The following ZNF469 variants were observed in gnomAD, a reference collection of about 807,000 sequenced individuals.
ZNF469 encodes zinc finger protein 469.
Under a neutral mutation model 1.0 loss-of-function variants are expected in ZNF469, and 1 was observed. The observed-to-expected ratio is 1.00, with a 90% confidence interval of 0.35 to 4.73. The LOEUF is 4.73. ZNF469 is among the 30% of genes most tolerant of loss of function. ZNF469 has a pLI of 0.16. For synonymous variants in ZNF469, 2,703 were observed against 2,363.4 expected (o/e 1.14, Z -4.17); for missense variants, 6,100 against 5,356.3 (o/e 1.14, Z -4.33).
chr16:88,333,878 GTT>G, the ZNF469 span, among the ~76,000 whole-genome samples: 2,083 of 151,120 alleles, frequency 0.014, 27 homozygotes, highest in Middle Eastern at 0.048. Flanking sequence ...GTGTGTGTGT[GTT>G]TGTGTGTCTG....
In ZNF469 at chr16:88,429,429, C is replaced by T; in HGVS notation, c.1959C>T (p.Pro653=). 1 of 1,542,514 alleles carries T rather than the reference C, an allele frequency of 6.5e-7. No individual in the cohort carries two copies. Among genetic ancestry groups the T allele is most frequent in the South Asian group, 1.2e-5 (1 of 83,912 alleles). Residue 653 remains proline, a synonymous_variant, in exon 3 of 3, where the codon CCC becomes CCT. Transcript: ENST00000565624. ...GCAGCCCCTTCCCGTCCCCGGAGCC[C>T]CCCCACTCCCTCCCCACCCACTACC... is the stretch of plus-strand genomic sequence containing the variant. ...ETGSPFPSPE[P]PHSLPTHYQP... is the part of the protein sequence containing the mutation.
rs1183943593 is a variant in ZNF469 at position 88,437,398 on chromosome 16, A to G, written c.9928A>G (p.Ser3310Gly). The change falls in exon 3 of 3, where the codon AGC becomes GGC. Residue 3310 changes from serine to glycine, a missense_variant. Coordinates refer to ENST00000565624, the MANE Select transcript of ZNF469 (RefSeq NM_001367624.2). ...GSPGPPRTTP[S>G]PSPDPWAGGE... The stretch of plus-strand genomic sequence containing the variant: ...CCCGGGCCCCCCCAGGACGACCCCC[A>G]GCCCGTCCCCCGACCCCTGGGCCGG... 1 of 1,528,988 alleles carries G rather than the reference A, an allele frequency of 6.5e-7. No individual in the cohort carries two copies. The highest frequency in any genetic ancestry group is 8.8e-7 in the Non-Finnish European group (1 of 1,136,710). 94.7% of individuals were successfully genotyped at this position (1,528,988 alleles called of 1,614,324 possible).
chr16:88,371,220 C>A, the ZNF469 span, among the ~76,000 whole-genome samples: 1 of 152,254 alleles, frequency 6.6e-6, no homozygotes, highest in South Asian at 2.1e-4. Context: ...TCTGAGAAAC[C>A]AGCCTGATCT....
At chr16:88,213,290 A>G in the ZNF469 span, among the ~76,000 whole-genome samples, 1 of 152,144 alleles carries the variant, frequency 6.6e-6, no homozygotes, top group South Asian at 2.1e-4. Flanking sequence ...TAGTAGAGAC[A>G]GAGTTTCACT....
intron 1 of ZNF469, among the ~76,000 whole-genome samples, chr16:88,400,405 C>T (rs1904820629): frequency 6.6e-6 from 1 of 152,228 alleles, no homozygotes; most frequent in African/African-American, 2.4e-5. Flanking sequence ...TGAGGCCCTG[C>T]CGGCTCACAC....
chr16:88,143,521 C>A, the ZNF469 span, among the ~76,000 whole-genome samples: 1 of 152,160 alleles, frequency 6.6e-6, no homozygotes, highest in African/African-American at 2.4e-5. Flanking sequence ...ATCACCCCCA[C>A]CTTCGGGCCT....
the ZNF469 span, among the ~76,000 whole-genome samples, chr16:88,217,189 A>C: frequency 1.3e-5 from 2 of 152,066 alleles, no homozygotes; most frequent in Admixed American, 6.5e-5. Context: ...TGGAGGCTCC[A>C]GCTGATGCTA....
chr16:88,285,733 C>G, the ZNF469 span, among the ~76,000 whole-genome samples: 1 of 152,248 alleles, frequency 6.6e-6, no homozygotes, highest in Non-Finnish European at 1.5e-5. Flanking sequence ...CCTGGGCCCT[C>G]TCTGAGTGGT....
chr16:88,232,302 A>C, the ZNF469 span, among the ~76,000 whole-genome samples: 2 of 152,314 alleles, frequency 1.3e-5, no homozygotes, highest in South Asian at 4.1e-4. Flanking sequence ...CTGGATGTTT[A>C]GAACACAGAT....
At chr16:88,111,194 G>T in the ZNF469 span, among the ~76,000 whole-genome samples, 6 of 152,212 alleles carry the variant, frequency 3.9e-5, no homozygotes, top group African/African-American at 9.6e-5. Flanking sequence ...CGTGAGGAAG[G>T]CCTTTTGAAC....
the ZNF469 span, among the ~76,000 whole-genome samples, chr16:88,132,105 T>C: frequency 2.5e-4 from 38 of 152,342 alleles, no homozygotes; most frequent in Middle Eastern, 3.4e-3. Context: ...CTCCTCTCCA[T>C]GTGTGGACAT....
chr16:88,159,847 G>C, the ZNF469 span, among the ~76,000 whole-genome samples: 1 of 152,250 alleles, frequency 6.6e-6, no homozygotes, highest in African/African-American at 2.4e-5. Context: ...AAGCAAGGAT[G>C]GTCCCTGAGG....
chr16:88,400,539 C>T lies in ZNF469; in HGVS notation c.-192+17285C>T, dbSNP rs190209107. On this transcript the variant is annotated intron_variant, in intron 1 of 2. Coordinates refer to ENST00000565624, the MANE Select transcript of ZNF469 (RefSeq NM_001367624.2). ...TGCTTTCCGGAACCTCTAAGCCAGG[C>T]GAGCCCAAAGGCCTTCCTGGGGCCA... 7.2e-5 allele frequency among the ~76,000 whole-genome samples: 11 copies of T among 152,310 alleles called. No homozygotes were observed. The East Asian group carries it at 9.6e-4, about 13-fold the overall frequency.
At chr16:88,393,577 A>G (rs1363610193) in intron 1 of ZNF469, among the ~76,000 whole-genome samples, 1 of 152,058 alleles carries the variant, frequency 6.6e-6, no homozygotes, top group Non-Finnish European at 1.5e-5. Context: ...AAAGAGCGGG[A>G]GTGGGTTCGC....
At position 88,383,120 on chromosome 16, in the gene ZNF469, C is replaced by CGGCG. The variant is rs1195136156; in HGVS notation, c.-316_-313dup. ...GCGCGCGGCAGAGCGGCTCGGTGCC[C>CGGCG]GGCGGGCGGGCGGCCCGGGCGGGCC... On this transcript the variant is annotated 5_prime_UTR_variant, in exon 1 of 3. Transcript: ENST00000565624. Among the ~76,000 whole-genome samples the CGGCG allele has an allele frequency of 1.3e-5, 2 of 149,174 alleles. No homozygotes were observed. Among genetic ancestry groups the CGGCG allele is most frequent in the East Asian group, 1.9e-4 (1 of 5,158 alleles).
the ZNF469 span, among the ~76,000 whole-genome samples, chr16:88,168,458 C>T: frequency 6.6e-6 from 1 of 151,406 alleles, no homozygotes; most frequent in South Asian, 2.1e-4. This position sits in a 1 kb window ranked among gnomAD's most constrained non-coding sequence, Gnocchi z 4.3. Flanking sequence ...TGATTGTGAC[C>T]TTGTGTGGGG....
the ZNF469 span, among the ~76,000 whole-genome samples, chr16:88,351,953 G>A: frequency 6.6e-6 from 1 of 152,360 alleles, no homozygotes; most frequent in East Asian, 1.9e-4. Flanking sequence ...GTGAGGAAGG[G>A]AGGCCCCTCC....
In ZNF469 at chr16:88,429,825, C is replaced by T; in HGVS notation, c.2355C>T (p.Asp785=). Residue 785 remains aspartate, a synonymous_variant, in exon 3 of 3, where the codon GAC becomes GAT. Coordinates refer to ENST00000565624, the MANE Select transcript of ZNF469 (RefSeq NM_001367624.2). ...SPPAAPRVPA[D]AHAGLLSHAK... ...CCGCTGCCCCCAGAGTCCCTGCCGA[C>T]GCACACGCGGGCTTGCTCAGCCACG... The T allele has an allele frequency of 3.9e-6, 6 of 1,546,886 alleles. No individual in the cohort carries two copies. Among genetic ancestry groups the T allele is most frequent in the Middle Eastern group, 1.7e-4 (1 of 5,982 alleles).
the ZNF469 span, among the ~76,000 whole-genome samples, chr16:88,143,691 G>C: frequency 6.6e-6 from 1 of 152,262 alleles, no homozygotes; most frequent in Non-Finnish European, 1.5e-5. Context: ...ATGACAGCTT[G>C]TCAGAAACAT....
Sources: gnomAD v4.1 joint callset for allele counts (sites outside exome capture counted in the v4.1 genomes callset) on GRCh38, gnomAD v4.1.1 for gene constraint, Gnocchi (gnomAD v3.1) non-coding constraint, MANE v1.5 for transcripts, NCBI Gene and HGNC (gene_info 2026-07-23, HGNC 2026-07-21) for gene names.